Variants in MARCHF1 observed in about 807,000 individuals in gnomAD.
MARCHF1 encodes membrane associated ring-CH-type finger 1.
MARCHF1 carries 40 observed loss-of-function variants against 54.2 expected under a neutral mutation model. The ratio of observed to expected loss-of-function variants is 0.74; its 90% CI spans 0.57 to 0.96. The LOEUF is 0.96. MARCHF1 is among the 40% of genes least tolerant of loss of function. The pLI is 0.00. For missense variants in MARCHF1, 586 were observed against 656.5 expected, an observed-to-expected ratio of 0.89 and a Z score of 1.17; for synonymous variants, 236 against 236.3, an observed-to-expected ratio of 1.00 and a Z score of 0.01.
At chr4:163,879,804 C>CGCGTGTGTGT (rs1553960437) in intron 3 of MARCHF1, among the ~76,000 whole-genome samples, 5 of 148,494 alleles carry the variant, frequency 3.4e-5, no homozygotes, top group African/African-American at 1.2e-4. Flanking sequence ...GATTTAGAGG[C>CGCGTGTGTGT]GTGTGTGTGT....
At chr4:163,577,803 TCTA>T (rs1740088471) in intron 8 of MARCHF1, among the ~76,000 whole-genome samples, 1 of 151,990 alleles carries the variant, frequency 6.6e-6, no homozygotes, top group Non-Finnish European at 1.5e-5. Context: ...CTTATTTTTG[TCTA>T]ACTGGGTGAG....
At chr4:163,775,019 C>T (rs1033496374) in intron 4 of MARCHF1, among the ~76,000 whole-genome samples, 2 of 152,008 alleles carry the variant, frequency 1.3e-5, no homozygotes, top group Non-Finnish European at 2.9e-5. Flanking sequence ...ATGGATTCTC[C>T]CCTCTCTCAA....
chr4:164,026,820 T>G (rs957690244), intron 2 of MARCHF1, among the ~76,000 whole-genome samples: 18 of 152,084 alleles, frequency 1.2e-4, no homozygotes, highest in African/African-American at 4.3e-4. Flanking sequence ...GATGATATGA[T>G]TACATACCTA....
intron 1 of MARCHF1, chr4:164,188,629 C>T (rs955658691): frequency 2.1e-5 from 21 of 1,023,120 alleles, no homozygotes; most frequent in Non-Finnish European, 3.3e-5. Context: ...CGAACCAGCT[C>T]ACCTCCAATC....
At chr4:164,234,756 G>C (rs1373635352) in intron 1 of MARCHF1, 1 of 151,948 alleles carries the variant, frequency 6.6e-6, no homozygotes, top group Non-Finnish European at 1.5e-5. Flanking sequence ...TAAATCAAAG[G>C]CAGATATAAA....
chr4:164,166,675 A>G (rs1038823623), intron 1 of MARCHF1, among the ~76,000 whole-genome samples: 5 of 151,798 alleles, frequency 3.3e-5, no homozygotes, highest in Non-Finnish European at 5.9e-5. Context: ...AAGAAATAAA[A>G]AGCATTCAAA....
At chr4:164,298,032 AAC>A (rs1236013185) in intron 1 of MARCHF1, among the ~76,000 whole-genome samples, 1 of 152,112 alleles carries the variant, frequency 6.6e-6, no homozygotes, top group African/African-American at 2.4e-5. Flanking sequence ...TATATGTCTC[AAC>A]ACAATACCAA....
intron 9 of MARCHF1, among the ~76,000 whole-genome samples, chr4:163,545,328 A>C (rs913405411): frequency 6.6e-6 from 1 of 152,174 alleles, no homozygotes. Flanking sequence ...AAAAGCCCGA[A>C]GTGGTGTGTG....
intron 1 of MARCHF1, among the ~76,000 whole-genome samples, chr4:164,252,382 A>G (rs1432310300): frequency 6.6e-6 from 1 of 152,134 alleles, no homozygotes; most frequent in Non-Finnish European, 1.5e-5. Flanking sequence ...GAAAGAAATC[A>G]CTTGAGCTAA....
At chr4:163,745,839 TA>T (rs34703990) in intron 4 of MARCHF1, among the ~76,000 whole-genome samples, 56,322 of 148,828 alleles carry the variant, frequency 0.38, 10,890 homozygotes, top group Non-Finnish European at 0.43. Context: ...TCTTATAGTT[TA>T]AAAAAAAAAA....
chr4:164,186,724 C>T (rs1427311725), intron 1 of MARCHF1, among the ~76,000 whole-genome samples: 1 of 152,154 alleles, frequency 6.6e-6, no homozygotes, highest in Non-Finnish European at 1.5e-5. Flanking sequence ...AAGTTTTGAG[C>T]TAAAGACCTC....
At chr4:163,931,337 TC>T (rs1443330341) in intron 3 of MARCHF1, among the ~76,000 whole-genome samples, 2 of 152,132 alleles carry the variant, frequency 1.3e-5, no homozygotes, top group Non-Finnish European at 2.9e-5. Context: ...TGCATGTATC[TC>T]CCCAAAATTC....
intron 1 of MARCHF1, among the ~76,000 whole-genome samples, chr4:164,122,797 C>G (rs1756098099): frequency 6.6e-6 from 1 of 152,044 alleles, no homozygotes; most frequent in Admixed American, 6.6e-5. Context: ...GACAACATAG[C>G]CTCTTCAACA....
chr4:163,613,634 A>G, intron 5 of MARCHF1: 13 of 1,419,778 alleles, frequency 9.2e-6, no homozygotes, highest in African/African-American at 1.4e-5. Flanking sequence ...ACGAGAGAGG[A>G]AGATGATTCC....
intron 5 of MARCHF1, among the ~76,000 whole-genome samples, chr4:163,645,145 G>T (rs879541121): frequency 1.2e-4 from 18 of 152,104 alleles, no homozygotes; most frequent in Admixed American, 1.2e-3. Flanking sequence ...CTCAAAAGTG[G>T]ACCCTCATCC....
intron 1 of MARCHF1, among the ~76,000 whole-genome samples, chr4:164,238,709 T>G (rs1264966006): frequency 6.6e-6 from 1 of 151,982 alleles, no homozygotes; most frequent in Non-Finnish European, 1.5e-5. Flanking sequence ...GAAATTATGT[T>G]TAATGAATAG....
At chr4:164,233,596 A>T (rs1235657673) in intron 1 of MARCHF1, among the ~76,000 whole-genome samples, 1 of 152,086 alleles carries the variant, frequency 6.6e-6, no homozygotes, top group African/African-American at 2.4e-5. Context: ...GTGGCTGCGG[A>T]TGATGTCCAT....
chr4:163,828,900 AG>A (rs1323640769), intron 4 of MARCHF1: 1 of 152,202 alleles, frequency 6.6e-6, no homozygotes, highest in Non-Finnish European at 1.5e-5. Context: ...AGCAGTCTGC[AG>A]GTTCTAGACA....
chr4:163,722,345 T>C (rs1161301503), intron 4 of MARCHF1, among the ~76,000 whole-genome samples: 1 of 152,130 alleles, frequency 6.6e-6, no homozygotes, highest in Non-Finnish European at 1.5e-5. Context: ...CGGTTTTGAG[T>C]GAGTTTCTGA....
Sources: allele counts gnomAD v4.1 joint callset (sites outside exome capture counted in the v4.1 genomes callset), GRCh38; gene constraint gnomAD v4.1.1; transcripts MANE v1.5; gene names NCBI Gene and HGNC (gene_info 2026-07-23, HGNC 2026-07-21).